CNTNAP2: variants seen among roughly 807,000 people sequenced by gnomAD.
CNTNAP2 encodes the protein contactin associated protein 2, also known as contactin-associated protein-like 2.
A neutral mutation model predicts 155.2 loss-of-function variants in CNTNAP2; 98 were observed. That is an observed-to-expected ratio of 0.63 (90% CI 0.54 to 0.75). CNTNAP2 has a LOEUF of 0.75. CNTNAP2 is among the 30% of genes least tolerant of loss of function. The probability of loss-of-function intolerance (pLI) is 0.00; values close to 1 mark genes in which losing one functional copy is unlikely to be tolerated. For missense variants in CNTNAP2, 1,727 were observed against 1,688.1 expected (o/e 1.02, Z -0.40); for synonymous variants, 651 against 631.2 (o/e 1.03, Z -0.47).
At chr7:147,374,430 A>G (rs1004255629) in intron 9 of CNTNAP2, among the ~76,000 whole-genome samples, 22 of 152,050 alleles carry the variant, frequency 1.4e-4, no homozygotes, top group African/African-American at 5.3e-4. Flanking sequence ...CTTGCCTACC[A>G]TTGCATTTAT....
At chr7:148,162,847 T>G (rs1483873544) in intron 17 of CNTNAP2, among the ~76,000 whole-genome samples, 1 of 152,062 alleles carries the variant, frequency 6.6e-6, no homozygotes, top group Non-Finnish European at 1.5e-5. Context: ...AAAAATTTTT[T>G]TAATTAACCA....
intron 2 of CNTNAP2, 69 bp from the exon 3 acceptor site, chr7:146,839,642 T>C: frequency 6.5e-7 from 1 of 1,530,186 alleles, no homozygotes; most frequent in Non-Finnish European, 9.0e-7. Context: ...ATGTAGAATA[T>C]TCCATTGTCA....
At chr7:147,653,736 C>T (rs149015345) in intron 13 of CNTNAP2, among the ~76,000 whole-genome samples, 3 of 152,286 alleles carry the variant, frequency 2.0e-5, no homozygotes, top group East Asian at 1.9e-4. Context: ...GTCCACTCTG[C>T]AGGTCTGTTC....
intron 15 of CNTNAP2, among the ~76,000 whole-genome samples, chr7:148,001,509 C>T (rs916076692): frequency 6.6e-5 from 10 of 152,214 alleles, no homozygotes; most frequent in East Asian, 1.9e-4. Context: ...AAGTATAGGA[C>T]GACTTGGTGG....
intron 8 of CNTNAP2, among the ~76,000 whole-genome samples, chr7:147,273,427 G>A (rs1325286784): frequency 1.3e-5 from 2 of 151,944 alleles, no homozygotes; most frequent in African/African-American, 4.8e-5. Context: ...TTTATGTAAT[G>A]GTGAAATTTG....
intron 13 of CNTNAP2, among the ~76,000 whole-genome samples, chr7:147,851,916 TAAGA>T (rs768518173): frequency 6.6e-6 from 1 of 151,640 alleles, no homozygotes; most frequent in African/African-American, 2.4e-5. Flanking sequence ...TAATAAATAA[TAAGA>T]ATAATAATAA....
chr7:148,051,580 AAGT>A (rs1413298466), intron 15 of CNTNAP2, among the ~76,000 whole-genome samples: 1 of 152,204 alleles, frequency 6.6e-6, no homozygotes, highest in Non-Finnish European at 1.5e-5. Context: ...TTTACATAAG[AAGT>A]AGTGCATACT....
At chr7:147,421,696 T>C (rs1163020296) in intron 10 of CNTNAP2, among the ~76,000 whole-genome samples, 3 of 151,756 alleles carry the variant, frequency 2.0e-5, no homozygotes, top group Admixed American at 6.6e-5. Flanking sequence ...CCAAATCTCA[T>C]GTTAAAATGT....
At chr7:147,337,434 A>G (rs1331443910) in intron 9 of CNTNAP2, among the ~76,000 whole-genome samples, 9 of 152,136 alleles carry the variant, frequency 5.9e-5, no homozygotes, top group Admixed American at 3.9e-4. Context: ...TCATGTCTTC[A>G]ATGTTGCATT....
chr7:147,395,301 T>G (rs1051986448), intron 9 of CNTNAP2, among the ~76,000 whole-genome samples: 1 of 152,018 alleles, frequency 6.6e-6, no homozygotes, highest in East Asian at 1.9e-4. Flanking sequence ...AGTGAGTCTT[T>G]GACAGCAGAG....
At chr7:147,114,261 T>A (rs945411569) in intron 5 of CNTNAP2, among the ~76,000 whole-genome samples, 3 of 152,214 alleles carry the variant, frequency 2.0e-5, no homozygotes, top group Admixed American at 2.0e-4. Context: ...AAGTGCTGTG[T>A]AGTGATGAGA....
chr7:148,344,957 G>C (rs1174658347), intron 21 of CNTNAP2, among the ~76,000 whole-genome samples: 1 of 152,188 alleles, frequency 6.6e-6, no homozygotes, highest in Non-Finnish European at 1.5e-5. Flanking sequence ...TTAGCCATGA[G>C]CTGGGCGACT....
chr7:147,864,788 C>T (rs1348411535), intron 13 of CNTNAP2, among the ~76,000 whole-genome samples: 1 of 152,174 alleles, frequency 6.6e-6, no homozygotes, highest in African/African-American at 2.4e-5. Flanking sequence ...TATCCTGAGA[C>T]TTTGCTGAAG....
chr7:147,253,360 C>T (rs897388538), intron 8 of CNTNAP2, among the ~76,000 whole-genome samples: 2 of 149,166 alleles, frequency 1.3e-5, no homozygotes, highest in Admixed American at 6.7e-5. Context: ...GCCAATCCTG[C>T]TGATTAGCTT....
intron 8 of CNTNAP2, among the ~76,000 whole-genome samples, chr7:147,290,364 TCAA>T (rs1805275810): frequency 1.3e-5 from 2 of 152,018 alleles, no homozygotes; most frequent in South Asian, 4.2e-4. Context: ...AACAGCAAAG[TCAA>T]CAAAAGCACC....
At position 147,643,123 on chromosome 7, in the gene CNTNAP2, A is replaced by G. The variant is rs117309750; in HGVS notation, c.2098+3817A>G. 2.5e-3 allele frequency among the ~76,000 whole-genome samples: 363 copies of G among 145,102 alleles called. 2 individuals are homozygous for G. The highest frequency in any genetic ancestry group is 9.9e-3 in the African/African-American group (345 of 34,768). ...TTCTGTGAATCACACATTGAGAAAC[A>G]CTGTCTTTAATTTATGGCATGAAGG... On this transcript the variant is annotated intron_variant, in intron 13 of 23. Coordinates refer to ENST00000361727, the MANE Select transcript of CNTNAP2 (RefSeq NM_014141.6).
intron 10 of CNTNAP2, among the ~76,000 whole-genome samples, chr7:147,454,080 T>G (rs562537603): frequency 6.6e-6 from 1 of 152,310 alleles, no homozygotes; most frequent in Admixed American, 6.5e-5. Context: ...TTACATCAAC[T>G]AAAGATTTGT....
At chr7:147,144,686 A>C (rs968071733) in intron 8 of CNTNAP2, among the ~76,000 whole-genome samples, 1 of 152,224 alleles carries the variant, frequency 6.6e-6, no homozygotes, top group Non-Finnish European at 1.5e-5. Flanking sequence ...TTCCATTAGG[A>C]AACTGAAAGA....
chr7:146,370,635 G>A (rs113032365), intron 1 of CNTNAP2, among the ~76,000 whole-genome samples: 2,954 of 151,906 alleles, frequency 0.019, 55 homozygotes, highest in Non-Finnish European at 0.03. Context: ...AGAACTAGTC[G>A]CCACTCATTA....
Sources: gnomAD v4.1 joint callset for allele counts (sites outside exome capture counted in the v4.1 genomes callset) on GRCh38, gnomAD v4.1.1 for gene constraint, MANE v1.5 for transcripts, NCBI Gene and HGNC (gene_info 2026-07-23, HGNC 2026-07-21) for gene names.